The following KCNH5 variants were observed in gnomAD, a reference collection of about 807,000 sequenced individuals.
KCNH5 encodes potassium voltage-gated channel subfamily H member 5.
Under a neutral mutation model 96.1 loss-of-function variants are expected in KCNH5, and 46 were observed. The ratio of observed to expected loss-of-function variants is 0.48; its 90% CI spans 0.38 to 0.61. KCNH5 has a LOEUF of 0.61. Ranked by LOEUF, KCNH5 falls within the 20% of genes least tolerant of loss-of-function variation. KCNH5 has a pLI of 0.00. For missense variants in KCNH5, 907 were observed against 1,225.8 expected (o/e 0.74, Z 3.88); for synonymous variants, 439 against 449.8 (o/e 0.98, Z 0.30).
At chr14:62,898,657 T>C (rs967612252) in intron 7 of KCNH5, among the ~76,000 whole-genome samples, 1 of 152,074 alleles carries the variant, frequency 6.6e-6, no homozygotes, top group Non-Finnish European at 1.5e-5. Flanking sequence ...TGTCTAAAAA[T>C]GACATACAGA....
intron 3 of KCNH5, among the ~76,000 whole-genome samples, chr14:63,003,624 A>ATATATATTTTT (rs1491457497): frequency 1.1e-5 from 1 of 92,848 alleles, no homozygotes; most frequent in East Asian, 4.1e-4. Context: ...ATATATATAT[A>ATATATATTTTT]TTTTTTTTTT....
At chr14:62,879,462 C>T (rs548896894) in intron 7 of KCNH5, among the ~76,000 whole-genome samples, 1 of 152,134 alleles carries the variant, frequency 6.6e-6, no homozygotes, top group African/African-American at 2.4e-5. Flanking sequence ...AAATATTTAT[C>T]GAATGAATGA....
At chr14:62,866,953 C>G (rs1888145755) in intron 7 of KCNH5, among the ~76,000 whole-genome samples, 1 of 152,166 alleles carries the variant, frequency 6.6e-6, no homozygotes, top group African/African-American at 2.4e-5. Context: ...GGAAACAAAG[C>G]CTCCTGCAAC....
At chr14:62,710,845 T>C (rs1244544408) in intron 10 of KCNH5, among the ~76,000 whole-genome samples, 1 of 152,214 alleles carries the variant, frequency 6.6e-6, no homozygotes, top group African/African-American at 2.4e-5. Flanking sequence ...TAAATCTGAA[T>C]TGGACATATG....
chr14:62,906,391 A>T (rs932386670), intron 7 of KCNH5, among the ~76,000 whole-genome samples: 8 of 152,222 alleles, frequency 5.3e-5, no homozygotes, highest in African/African-American at 1.9e-4. Context: ...CTCTAATGAA[A>T]TAGTGATTGA....
chr14:62,940,956 A>C (rs1209980075), intron 7 of KCNH5, among the ~76,000 whole-genome samples: 1 of 152,222 alleles, frequency 6.6e-6, no homozygotes, highest in African/African-American at 2.4e-5. Context: ...TTCATAGTAT[A>C]AGAACAGATG....
At chr14:62,814,923 T>C (rs2140011053) in intron 8 of KCNH5, among the ~76,000 whole-genome samples, 1 of 151,524 alleles carries the variant, frequency 6.6e-6, no homozygotes, top group South Asian at 2.1e-4. Context: ...CACTTGCAGA[T>C]ATATATGCAA....
At chr14:62,768,726 A>G (rs1178397006) in intron 10 of KCNH5, among the ~76,000 whole-genome samples, 1 of 152,208 alleles carries the variant, frequency 6.6e-6, no homozygotes, top group Non-Finnish European at 1.5e-5. Context: ...CAATAAAAAT[A>G]AACTCTGGTT....
At chr14:62,953,068 T>C (rs750894950) in intron 6 of KCNH5, among the ~76,000 whole-genome samples, 3 of 151,734 alleles carry the variant, frequency 2.0e-5, no homozygotes, top group Non-Finnish European at 4.4e-5. Flanking sequence ...GGTTTAGAAG[T>C]AGTTTGACAC....
chr14:62,889,050 C>T (rs1248556381), intron 7 of KCNH5, among the ~76,000 whole-genome samples: 2 of 152,174 alleles, frequency 1.3e-5, no homozygotes, highest in Non-Finnish European at 2.9e-5. Context: ...AACGTCCTTG[C>T]AGTGGACATT....
chr14:63,001,296 T>G, intron 4 of KCNH5, 35 bp downstream of exon 4: 1 of 1,559,770 alleles, frequency 6.4e-7, no homozygotes, highest in Non-Finnish European at 8.7e-7. Flanking sequence ...AGCAACAGCC[T>G]AATTTTTCAG....
At chr14:62,894,150 T>C (rs1390640440) in intron 7 of KCNH5, among the ~76,000 whole-genome samples, 3 of 152,236 alleles carry the variant, frequency 2.0e-5, no homozygotes, top group Non-Finnish European at 4.4e-5. Flanking sequence ...ACATAACTTT[T>C]ATATGTACTG....
rs535037090 is a variant in KCNH5, at chr14:62,719,607, G to A, written c.2020-11152C>T. On this transcript the variant is annotated intron_variant, in intron 10 of 10. Transcript: ENST00000322893. ...AGGAAAAGATGTACAGAATTTGGAA[G>A]TGAGGTACAGAATGGCTAGATTGGT... Among the ~76,000 whole-genome samples the A allele has an allele frequency of 2.0e-5, 3 of 152,358 alleles. No individual in the cohort carries two copies. The South Asian group carries it at 6.2e-4, about 32-fold the overall frequency.
intron 7 of KCNH5, among the ~76,000 whole-genome samples, chr14:62,939,545 A>T (rs1889748565): frequency 6.6e-6 from 1 of 152,182 alleles, no homozygotes; most frequent in Non-Finnish European, 1.5e-5. Flanking sequence ...TTCATCATAC[A>T]TTCAGCTGAA....
At chr14:62,849,428 T>C (rs1313028271) in intron 8 of KCNH5, among the ~76,000 whole-genome samples, 2 of 152,186 alleles carry the variant, frequency 1.3e-5, no homozygotes, top group Admixed American at 1.3e-4. Context: ...ACGAACTGAA[T>C]TTTCTAAATT....
intron 7 of KCNH5, among the ~76,000 whole-genome samples, chr14:62,945,306 A>G (rs1889865619): frequency 6.6e-6 from 1 of 152,120 alleles, no homozygotes; most frequent in Non-Finnish European, 1.5e-5. Context: ...ACACCCCCAA[A>G]GGAAGACAAT....
intron 7 of KCNH5, among the ~76,000 whole-genome samples, chr14:62,925,938 A>G (rs953993776): frequency 2.0e-5 from 3 of 152,160 alleles, no homozygotes; most frequent in East Asian, 1.9e-4. Flanking sequence ...TTTTTTGTCA[A>G]TGTATAAATT....
intron 7 of KCNH5, among the ~76,000 whole-genome samples, chr14:62,917,108 C>G (rs1889289814): frequency 1.3e-5 from 2 of 152,098 alleles, no homozygotes; most frequent in African/African-American, 4.8e-5. Context: ...ATTTAACTGC[C>G]CTGAGAGGAG....
intron 7 of KCNH5, among the ~76,000 whole-genome samples, chr14:62,938,156 G>C (rs757776873): frequency 6.6e-6 from 1 of 152,162 alleles, no homozygotes; most frequent in Non-Finnish European, 1.5e-5. Flanking sequence ...TTAAGATCTG[G>C]TGGGGGGGTG....
Sources: gnomAD v4.1 joint callset for allele counts (sites outside exome capture counted in the v4.1 genomes callset) on GRCh38, gnomAD v4.1.1 for gene constraint, MANE v1.5 for transcripts, NCBI Gene and HGNC (gene_info 2026-07-23, HGNC 2026-07-21) for gene names.